The following GNAT3 variants were observed in gnomAD, a reference collection of about 807,000 sequenced individuals.
GNAT3 encodes G protein subunit alpha transducin 3.
Under a neutral mutation model 37.7 loss-of-function variants are expected in GNAT3, and 31 were observed. The observed-to-expected ratio is 0.82, with a 90% confidence interval of 0.62 to 1.11. The LOEUF (loss-of-function observed/expected upper bound fraction) is 1.11, where lower values mean the gene tolerates loss of function less well. Among genes scored for constraint, GNAT3 ranks in the 50% most tolerant of loss-of-function variants. GNAT3 has a pLI of 0.00. For missense variants in GNAT3, 437 were observed against 412.5 expected, an observed-to-expected ratio of 1.06 and a Z score of -0.51; for synonymous variants, 138 against 139.8, an observed-to-expected ratio of 0.99 and a Z score of 0.09.
At chr7:80,489,517 G>A (rs1366417310) in intron 2 of GNAT3, among the ~76,000 whole-genome samples, 6 of 152,014 alleles carry the variant, frequency 3.9e-5, no homozygotes, top group Admixed American at 3.9e-4. Context: ...ACGTATAAAG[G>A]CTTTAGCATG....
At chr7:80,496,368 T>C (rs1453136019) in intron 1 of GNAT3, among the ~76,000 whole-genome samples, 1 of 152,168 alleles carries the variant, frequency 6.6e-6, no homozygotes, top group Non-Finnish European at 1.5e-5. Context: ...TGGCCTCAAG[T>C]GATCTGCCTG....
intron 5 of GNAT3, among the ~76,000 whole-genome samples, chr7:80,473,433 A>G (rs1343349641): frequency 6.6e-6 from 1 of 152,190 alleles, no homozygotes; most frequent in African/African-American, 2.4e-5. Flanking sequence ...ACGAATGGAT[A>G]TGAATAATTC....
chr7:80,481,221 G>A (rs74445392), intron 3 of GNAT3, among the ~76,000 whole-genome samples: 6,121 of 152,144 alleles, frequency 0.04, 309 homozygotes, highest in African/African-American at 0.13. Context: ...TGATCAGATG[G>A]TCATTGGTCC....
At chr7:80,492,226 C>T (rs1364933871) in intron 2 of GNAT3, among the ~76,000 whole-genome samples, 1 of 151,298 alleles carries the variant, frequency 6.6e-6, no homozygotes, top group East Asian at 1.9e-4. Context: ...CACCTGTAAT[C>T]CCAGCTGCTC....
At chr7:80,495,082 A>G (rs888610528) in intron 1 of GNAT3, among the ~76,000 whole-genome samples, 2 of 151,810 alleles carry the variant, frequency 1.3e-5, no homozygotes, top group African/African-American at 4.8e-5. Context: ...TTTTTTTTTA[A>G]TGGCTGAGTA....
chr7:80,505,521 C>G (rs1392744852), intron 1 of GNAT3, among the ~76,000 whole-genome samples: 1 of 152,126 alleles, frequency 6.6e-6, no homozygotes, highest in African/African-American at 2.4e-5. Flanking sequence ...CGCCCGCCAA[C>G]ACGCCCGGCT....
chr7:80,458,998 A>G lies in GNAT3; in HGVS notation c.875-137T>C, dbSNP rs993419899. ...AAAATCATAAAGGCAACGGTCAATT[A>G]TCAGGGTGCTGGGAACTATGCTCAC... On this transcript the variant is annotated intron_variant, in intron 7 of 7. Transcript: ENST00000398291. 20 of 611,380 alleles carry G rather than the reference A, an allele frequency of 3.3e-5. No homozygotes were observed. In the African/African-American group the frequency reaches 3.5e-4, roughly 11 times the overall value. 37.9% of individuals were successfully genotyped at this position (611,380 alleles called of 1,614,324 possible). A position where few individuals can be genotyped will look rare whatever the true frequency, so the allele number is the denominator to read the frequency against.
In GNAT3 at chr7:80,494,630, TC is replaced by T; in HGVS notation, c.135del (p.Ser47ValfsTer7). ...KLLLLGAGES[G>X]KSTIVKQMKI... ...TTCATTTGTTTAACAATAGTACTTT[TC>T]CCAGATTCTCCTGCTCCTGCAACAT... is the stretch of plus-strand genomic sequence containing the variant. On this transcript the variant is annotated frameshift_variant, in exon 2 of 8. Transcript: ENST00000398291. LOFTEE classifies it high-confidence loss of function. 6.5e-7 allele frequency: 1 copy of T among 1,528,924 alleles called. No homozygotes were observed. The highest frequency in any genetic ancestry group is 9.0e-7 in the Non-Finnish European group (1 of 1,116,434). 94.7% of individuals were successfully genotyped at this position (1,528,924 alleles called of 1,614,324 possible). A position where few individuals can be genotyped will look rare whatever the true frequency, so the allele number is the denominator to read the frequency against.
chr7:80,463,196 G>A (rs1004563053), intron 5 of GNAT3, among the ~76,000 whole-genome samples: 14 of 152,042 alleles, frequency 9.2e-5, no homozygotes, highest in Non-Finnish European at 1.8e-4. Flanking sequence ...ATAATATTAT[G>A]TAAAAAATAT....
intron 5 of GNAT3, among the ~76,000 whole-genome samples, chr7:80,466,924 A>G (rs929663391): frequency 2.6e-5 from 4 of 152,186 alleles, no homozygotes; most frequent in African/African-American, 7.2e-5. Flanking sequence ...TTACGGTTGA[A>G]TAAAAGTCAT....
intron 4 of GNAT3, among the ~76,000 whole-genome samples, chr7:80,478,247 T>C (rs1283211676): frequency 6.6e-6 from 1 of 152,188 alleles, no homozygotes; most frequent in African/African-American, 2.4e-5. Context: ...ATAATGAAAT[T>C]ATAAATAGTG....
At chr7:80,505,411 G>C (rs1449336008) in intron 1 of GNAT3, among the ~76,000 whole-genome samples, 4 of 152,122 alleles carry the variant, frequency 2.6e-5, no homozygotes, top group African/African-American at 9.7e-5. Flanking sequence ...TCTGTGCCCA[G>C]GCTGGAGTGC....
intron 1 of GNAT3, among the ~76,000 whole-genome samples, chr7:80,504,500 A>G: frequency 6.6e-6 from 1 of 152,360 alleles, no homozygotes; most frequent in Non-Finnish European, 1.5e-5. Flanking sequence ...GTATTTCAAT[A>G]TAAAAACATT....
chr7:80,475,773 G>GAAAC (rs901352149), intron 4 of GNAT3, among the ~76,000 whole-genome samples: 13 of 152,084 alleles, frequency 8.5e-5, no homozygotes, highest in Non-Finnish European at 2.9e-5. Context: ...CTTTTAAGCT[G>GAAAC]AAACAAATTA....
chr7:80,504,384 T>C (rs972194929), intron 1 of GNAT3, among the ~76,000 whole-genome samples: 2 of 152,124 alleles, frequency 1.3e-5, no homozygotes, highest in Non-Finnish European at 2.9e-5. Flanking sequence ...CTGTGAGGGA[T>C]AACTTTTTAC....
chr7:80,470,198 T>G (rs1181292131), intron 5 of GNAT3, among the ~76,000 whole-genome samples: 2 of 152,220 alleles, frequency 1.3e-5, no homozygotes, highest in East Asian at 3.9e-4. Flanking sequence ...GAGGTGGTAG[T>G]TGCACAGTAA....
intron 5 of GNAT3, 97 bp from the exon 6 acceptor site, chr7:80,462,728 T>C (rs1423171366): frequency 1.0e-5 from 8 of 800,326 alleles, no homozygotes; most frequent in Non-Finnish European, 1.5e-5. Flanking sequence ...TGATCCCCTA[T>C]CTTCAAAAGG....
intron 4 of GNAT3, 117 bp downstream of exon 4, chr7:80,478,724 T>TA: frequency 1.0e-6 from 1 of 989,568 alleles, no homozygotes; most frequent in Non-Finnish European, 1.5e-6. Flanking sequence ...TTTACTCTAA[T>TA]AAAATGTAAC....
At chr7:80,485,175 T>TC (rs1220407322) in intron 3 of GNAT3, among the ~76,000 whole-genome samples, 1 of 151,626 alleles carries the variant, frequency 6.6e-6, no homozygotes, top group Non-Finnish European at 1.5e-5. Flanking sequence ...TGTGTGTTTT[T>TC]TTTTTTTAAC....
Sources: allele counts gnomAD v4.1 joint callset (sites outside exome capture counted in the v4.1 genomes callset), GRCh38; gene constraint gnomAD v4.1.1; transcripts MANE v1.5; gene names NCBI Gene and HGNC (gene_info 2026-07-23, HGNC 2026-07-21).